The following DZANK1 variants were observed in gnomAD, a reference collection of about 807,000 sequenced individuals.
DZANK1 encodes the protein double zinc ribbon and ankyrin repeat-containing protein 1.
A neutral mutation model predicts 94.5 loss-of-function variants in DZANK1; 91 were observed. That is an observed-to-expected ratio of 0.96 (90% CI 0.81 to 1.15). The LOEUF is 1.15. Among genes scored for constraint, DZANK1 ranks in the 50% most tolerant of loss-of-function variants. DZANK1 has a pLI of 0.00. For missense variants in DZANK1, 903 were observed against 916.4 expected (o/e 0.99, Z 0.19); for synonymous variants, 312 against 325.3 (o/e 0.96, Z 0.44).
chr20:18,434,837 C>A (rs954315391), intron 8 of DZANK1, among the ~76,000 whole-genome samples: 1 of 152,048 alleles, frequency 6.6e-6, no homozygotes, highest in Non-Finnish European at 1.5e-5. Context: ...GTTAAGGTGA[C>A]GATTTTGGTG....
intron 6 of DZANK1, among the ~76,000 whole-genome samples, chr20:18,449,778 AAAAT>A (rs1315518641): frequency 3.7e-4 from 56 of 150,806 alleles, no homozygotes; most frequent in African/African-American, 1.1e-3. Flanking sequence ...AAAAAAAGTA[AAAAT>A]AAATAAATAA....
chr20:18,434,184 A>G (rs1271684941), intron 8 of DZANK1, among the ~76,000 whole-genome samples: 1 of 152,150 alleles, frequency 6.6e-6, no homozygotes, highest in Non-Finnish European at 1.5e-5. Context: ...TTAAAAAAAA[A>G]AAGAAAAATA....
intron 6 of DZANK1, among the ~76,000 whole-genome samples, chr20:18,450,727 G>C (rs1397309699): frequency 6.6e-6 from 1 of 152,106 alleles, no homozygotes; most frequent in East Asian, 1.9e-4. Flanking sequence ...AAGGAGCTGT[G>C]GTTACACAGA....
chr20:18,401,027 C>T (rs1330993909), intron 13 of DZANK1, among the ~76,000 whole-genome samples: 3 of 152,044 alleles, frequency 2.0e-5, no homozygotes, highest in Non-Finnish European at 4.4e-5. Context: ...ACCTCCGCCT[C>T]CCGGGTTCAA....
intron 17 of DZANK1, among the ~76,000 whole-genome samples, chr20:18,392,782 A>G (rs2056088138): frequency 6.8e-6 from 1 of 147,172 alleles, no homozygotes; most frequent in Non-Finnish European, 1.5e-5. Flanking sequence ...GAAATCTGAC[A>G]GGGAAACCAA....
intron 10 of DZANK1, among the ~76,000 whole-genome samples, chr20:18,417,155 A>G (rs1278159003): frequency 6.6e-6 from 1 of 152,214 alleles, no homozygotes; most frequent in Admixed American, 6.5e-5. Flanking sequence ...GACTACAGAG[A>G]TAAGTATTAT....
intron 17 of DZANK1, among the ~76,000 whole-genome samples, chr20:18,390,975 C>G (rs2055935379): frequency 6.6e-6 from 1 of 152,144 alleles, no homozygotes; most frequent in South Asian, 2.1e-4. Flanking sequence ...GCATGCAGAT[C>G]ATTTGAGGTC....
intron 19 of DZANK1, 141 bp downstream of exon 19, chr20:18,389,560 T>C: frequency 8.0e-7 from 1 of 1,255,374 alleles, no homozygotes; most frequent in Non-Finnish European, 1.1e-6. Context: ...GTTAAGCCTC[T>C]TATTAAAGCT....
In DZANK1 at chr20:18,427,071, T is replaced by A. The variant is rs554426957; in HGVS notation, c.950A>T (p.Gln317Leu). ...TGGCACATGCAATCAACCTACCTCT[T>A]GTGATGAAGGCAGGGCCCCCTCACA... Residue 317 changes from glutamine to leucine, a missense_variant, in exon 10 of 21, where the codon CAA (glutamine) becomes CTA (leucine). By Grantham distance (113) the Gln-to-Leu change is moderately radical. Transcript: ENST00000262547. The A allele has an allele frequency of 1.7e-4, 275 of 1,609,308 alleles. No individual in the cohort carries two copies. The highest frequency in any genetic ancestry group is 2.2e-4 in the Non-Finnish European group (254 of 1,176,626).
At chr20:18,440,037 G>C (rs1417227212) in intron 8 of DZANK1, among the ~76,000 whole-genome samples, 1 of 152,154 alleles carries the variant, frequency 6.6e-6, no homozygotes, top group Non-Finnish European at 1.5e-5. Flanking sequence ...AGAAGAGGAA[G>C]AGACACCAGG....
chr20:18,425,351 G>A (rs1196095075), intron 10 of DZANK1, among the ~76,000 whole-genome samples: 1 of 152,176 alleles, frequency 6.6e-6, no homozygotes, highest in African/African-American at 2.4e-5. Flanking sequence ...AGGCGTTTGA[G>A]ACTAGCCTGG....
At chr20:18,397,777 A>G (rs1454887348) in intron 14 of DZANK1, among the ~76,000 whole-genome samples, 1 of 152,116 alleles carries the variant, frequency 6.6e-6, no homozygotes, top group Non-Finnish European at 1.5e-5. Context: ...ATGAGCAGAG[A>G]TGACTCGAGG....
chr20:18,440,758 C>T (rs1280911571), intron 8 of DZANK1, among the ~76,000 whole-genome samples: 1 of 152,184 alleles, frequency 6.6e-6, no homozygotes, highest in Non-Finnish European at 1.5e-5. Flanking sequence ...CAAACTACAT[C>T]CATTGGGCAG....
At chr20:18,430,569 C>A (rs958144016) in intron 9 of DZANK1, among the ~76,000 whole-genome samples, 1 of 152,196 alleles carries the variant, frequency 6.6e-6, no homozygotes, top group African/African-American at 2.4e-5. Context: ...AATCCCAGAA[C>A]CTTGGGAGGC....
chr20:18,396,265 G>A (rs966780754), intron 15 of DZANK1, among the ~76,000 whole-genome samples: 1 of 152,226 alleles, frequency 6.6e-6, no homozygotes, highest in Non-Finnish European at 1.5e-5. Flanking sequence ...GAGAACTACA[G>A]AACAACTCCT....
At chr20:18,448,627 G>A (rs1349947848) in intron 7 of DZANK1, among the ~76,000 whole-genome samples, 1 of 152,122 alleles carries the variant, frequency 6.6e-6, no homozygotes, top group Non-Finnish European at 1.5e-5. Flanking sequence ...TCAGCACTTT[G>A]GGAGACCGAG....
chr20:18,387,983 G>A (rs2148136326), intron 19 of DZANK1, among the ~76,000 whole-genome samples: 1 of 152,306 alleles, frequency 6.6e-6, no homozygotes, highest in East Asian at 1.9e-4. Flanking sequence ...ATGGAACTTT[G>A]AGGCCATGTT....
At chr20:18,416,181 G>A (rs2057480488) in intron 10 of DZANK1, among the ~76,000 whole-genome samples, 1 of 152,168 alleles carries the variant, frequency 6.6e-6, no homozygotes, top group Non-Finnish European at 1.5e-5. Flanking sequence ...GACACAGAGA[G>A]GGTGAGATGC....
intron 19 of DZANK1, among the ~76,000 whole-genome samples, chr20:18,386,053 G>A (rs1428367715): frequency 2.0e-5 from 3 of 152,108 alleles, no homozygotes; most frequent in African/African-American, 4.8e-5. Context: ...AGGCATTGAC[G>A]GTCTGAACTC....
Sources: gnomAD v4.1 joint callset for allele counts (sites outside exome capture counted in the v4.1 genomes callset) on GRCh38, gnomAD v4.1.1 for gene constraint, MANE v1.5 for transcripts, NCBI Gene and HGNC (gene_info 2026-07-23, HGNC 2026-07-21) for gene names.